KCNK17: variants seen among roughly 807,000 people sequenced by gnomAD.
The protein encoded by KCNK17 is potassium two pore domain channel subfamily K member 17.
KCNK17 carries 27 observed loss-of-function variants against 24.6 expected under a neutral mutation model. That is an observed-to-expected ratio of 1.10 (90% CI 0.81 to 1.51). KCNK17 has a LOEUF of 1.51. Among genes scored for constraint, KCNK17 ranks in the 40% most tolerant of loss-of-function variants. The probability of loss-of-function intolerance (pLI) is 0.00; values close to 1 mark genes in which losing one functional copy is unlikely to be tolerated. For missense variants in KCNK17, 450 were observed against 436.6 expected, an observed-to-expected ratio of 1.03 and a Z score of -0.27; for synonymous variants, 181 against 189.8, an observed-to-expected ratio of 0.95 and a Z score of 0.38.
At position 39,307,794 on chromosome 6, in the gene KCNK17, C is replaced by G. The variant is rs543483685; in HGVS notation, c.352+3099G>C. ...GGATCTCTGGGCATCCTGCAAGAAC[C>G]CTACAAGTCTATCTGTGATTGGTCT... is the stretch of plus-strand genomic sequence containing the variant. On this transcript the variant is annotated intron_variant, in intron 2 of 4. Transcript: ENST00000373231. 2.6e-5 allele frequency among the ~76,000 whole-genome samples: 4 copies of G among 152,260 alleles called. No individual in the cohort carries two copies. The South Asian group carries it at 6.2e-4, about 24-fold the overall frequency.
At chr6:39,313,946 G>T in intron 1 of KCNK17, 138 bp downstream of exon 1, 2 of 634,728 alleles carry the variant, frequency 3.2e-6, no homozygotes, top group Non-Finnish European at 5.0e-6. Context: ...CGTTGTGCCC[G>T]CGTCTGCGTT....
intron 4 of KCNK17, among the ~76,000 whole-genome samples, chr6:39,300,882 C>T (rs973474537): frequency 2.6e-5 from 4 of 152,242 alleles, no homozygotes; most frequent in African/African-American, 9.6e-5. Flanking sequence ...TCACTCCCTA[C>T]AGACCACGTT....
rs906031976 is a variant in KCNK17 at position 39,314,029 on chromosome 6, C to T, written c.237+55G>A. On this transcript the variant is annotated intron_variant, in intron 1 of 4. Transcript: ENST00000373231. ...CCCCCTCGCCCTCGGCCCGTACACC[C>T]CGCGGCCCGCTACCCCATCCCGCCG... 29 of 1,392,932 alleles carry T rather than the reference C, an allele frequency of 2.1e-5. No individual in the cohort carries two copies. The East Asian group carries it at 3.4e-4, about 16-fold the overall frequency. The allele number at this position is 1,392,932 out of a possible 1,614,324, so 86.3% of individuals were successfully genotyped here. A position where few individuals can be genotyped will look rare whatever the true frequency, so the allele number is the denominator to read the frequency against.
At chr6:39,306,593 A>C (rs1762039893) in intron 2 of KCNK17, among the ~76,000 whole-genome samples, 1 of 152,042 alleles carries the variant, frequency 6.6e-6, no homozygotes, top group Non-Finnish European at 1.5e-5. Flanking sequence ...TACTATATTG[A>C]AACCAATGTT....
chr6:39,302,840 G>C (rs1182198600), intron 4 of KCNK17, among the ~76,000 whole-genome samples: 1 of 152,120 alleles, frequency 6.6e-6, no homozygotes, highest in Non-Finnish European at 1.5e-5. Flanking sequence ...GATCCAGAAG[G>C]GGGCAGTGTG....
chr6:39,300,506 C>G (rs1465772021), intron 4 of KCNK17: 5 of 1,551,190 alleles, frequency 3.2e-6, no homozygotes, highest in Non-Finnish European at 4.4e-6. Flanking sequence ...TTTCTCGTAT[C>G]TGAAATGAGG....
intron 1 of KCNK17, 64 bp from the exon 2 acceptor site, chr6:39,311,071 TGCACACACACAC>T: frequency 1.5e-6 from 1 of 662,588 alleles, no homozygotes; most frequent in Non-Finnish European, 2.7e-6. Context: ...TACCCCAAGA[TGCACACACACAC>T]ACACACACAC....
At chr6:39,311,157 C>T (rs1179541382) in intron 1 of KCNK17, 150 bp from the exon 2 acceptor site, 7 of 545,328 alleles carry the variant, frequency 1.3e-5, no homozygotes, top group East Asian at 3.2e-5. Flanking sequence ...AATTACTCTT[C>T]GATCCCAGCC....
At chr6:39,303,239 T>C (rs1271084374) in intron 4 of KCNK17, among the ~76,000 whole-genome samples, 2 of 152,160 alleles carry the variant, frequency 1.3e-5, no homozygotes, top group Non-Finnish European at 2.9e-5. Flanking sequence ...AGGGAGTGCA[T>C]GAAGCCGCTT....
chr6:39,307,736 C>T (rs1291928817), intron 2 of KCNK17, among the ~76,000 whole-genome samples: 2 of 152,242 alleles, frequency 1.3e-5, no homozygotes, highest in African/African-American at 4.8e-5. Flanking sequence ...TTCACTTCAG[C>T]ATGTCTCCTC....
At position 39,314,269 on chromosome 6, in the gene KCNK17, C is replaced by T. The variant is rs34279441; in HGVS notation, c.52G>A (p.Ala18Thr). The T allele has an allele frequency of 8.4e-4, 1,281 of 1,523,762 alleles. 8 individuals carry two copies. In the African/African-American group the frequency reaches 0.015, roughly 17 times the overall value. The allele number at this position is 1,523,762 out of a possible 1,614,324, so 94.4% of individuals were successfully genotyped here. A position where few individuals can be genotyped will look rare whatever the true frequency, so the allele number is the denominator to read the frequency against. Residue 18 changes from alanine to threonine, a missense_variant, in exon 1 of 5, where the codon GCG (alanine) becomes ACG (threonine). Ala to Thr is a moderately conservative substitution (Grantham distance 58). Coordinates refer to ENST00000373231, the MANE Select transcript of KCNK17 (RefSeq NM_031460.4). ...AAPEGRVRGCAVPSTVLLLLA... is the reference protein window; with the variant it reads ...AAPEGRVRGCTVPSTVLLLLA... The stretch of plus-strand genomic sequence containing the variant: ...AGCAGGAGCACGGTGCTGGGCACCG[C>T]GCAGCCCCGGACCCTGCCCTCGGGA...
intron 2 of KCNK17, among the ~76,000 whole-genome samples, chr6:39,308,428 T>C (rs1762072304): frequency 6.6e-6 from 1 of 152,206 alleles, no homozygotes; most frequent in Non-Finnish European, 1.5e-5. Flanking sequence ...ATAGCTGGGA[T>C]TACAGGCACC....
chr6:39,310,436 C>T (rs1005979763), intron 2 of KCNK17, among the ~76,000 whole-genome samples: 4 of 151,930 alleles, frequency 2.6e-5, no homozygotes, highest in African/African-American at 7.3e-5. Context: ...GGCTGAGAAA[C>T]GGGGGGTCTA....
intron 2 of KCNK17, among the ~76,000 whole-genome samples, chr6:39,309,632 T>G (rs1360018049): frequency 1.3e-5 from 2 of 151,388 alleles, no homozygotes; most frequent in African/African-American, 4.9e-5. Context: ...CTGAGAAGAG[T>G]GTGGGAGGTG....
chr6:39,306,121 G>A (rs1762033263), intron 2 of KCNK17, among the ~76,000 whole-genome samples: 1 of 149,644 alleles, frequency 6.7e-6, no homozygotes, highest in East Asian at 2.0e-4. Flanking sequence ...TTGGCTCACT[G>A]CAAACTCCGC....
At position 39,314,356 on chromosome 6, in the gene KCNK17, G is replaced by A. The variant is rs1762229499; in HGVS notation, c.-36C>T. The A allele has an allele frequency of 7.4e-7, 1 of 1,348,446 alleles. No individual in the cohort carries two copies. The highest frequency in any genetic ancestry group is 9.6e-7 in the Non-Finnish European group (1 of 1,039,298). 83.5% of individuals were successfully genotyped at this position (1,348,446 alleles called of 1,614,324 possible). A position where few individuals can be genotyped will look rare whatever the true frequency, so the allele number is the denominator to read the frequency against. On this transcript the variant is annotated 5_prime_UTR_variant, in exon 1 of 5. Transcript: ENST00000373231. ...GCGGGGAGCCGGCGCCGGGAGCGGT[G>A]GACTAGGACCCGGTGGGAGGGAAGG...
chr6:39,309,935 A>G (rs1484155157), intron 2 of KCNK17, among the ~76,000 whole-genome samples: 1 of 152,194 alleles, frequency 6.6e-6, no homozygotes, highest in East Asian at 1.9e-4. Context: ...CCAAGCTCCC[A>G]TGTAGCTCTG....
intron 2 of KCNK17, among the ~76,000 whole-genome samples, chr6:39,307,710 C>T (rs2113838368): frequency 6.6e-6 from 1 of 152,342 alleles, no homozygotes; most frequent in Non-Finnish European, 1.5e-5. Flanking sequence ...TAGCCACAGC[C>T]CCACCCAAGC....
chr6:39,307,039 G>A (rs932196538), intron 2 of KCNK17, among the ~76,000 whole-genome samples: 6 of 152,112 alleles, frequency 3.9e-5, no homozygotes, highest in Non-Finnish European at 2.9e-5. Flanking sequence ...TGGGATTACA[G>A]GTGTGAGCCA....
Sources: allele counts gnomAD v4.1 joint callset (sites outside exome capture counted in the v4.1 genomes callset), GRCh38; gene constraint gnomAD v4.1.1; transcripts MANE v1.5; gene names NCBI Gene and HGNC (gene_info 2026-07-23, HGNC 2026-07-21).